The following SASH1 variants were observed in gnomAD, a reference collection of about 807,000 sequenced individuals.
SASH1 encodes SAM and SH3 domain containing 1, also known as SAM and SH3 domain-containing protein 1.
A neutral mutation model predicts 125.2 loss-of-function variants in SASH1; 44 were observed. The observed-to-expected ratio is 0.35, with a 90% confidence interval of 0.28 to 0.45. SASH1 has a LOEUF of 0.45. Ranked by LOEUF, SASH1 falls within the 20% of genes least tolerant of loss-of-function variation. SASH1 has a pLI of 1.00. For synonymous variants in SASH1, 639 were observed against 649.1 expected (o/e 0.98, Z 0.24); for missense variants, 1,426 against 1,614.5 (o/e 0.88, Z 2.00).
intron 2 of SASH1, among the ~76,000 whole-genome samples, chr6:148,430,422 C>T (rs1776014783): frequency 6.6e-6 from 1 of 152,218 alleles, no homozygotes; most frequent in Non-Finnish European, 1.5e-5. Context: ...GCCTTCGCCT[C>T]CTGGGTTCAA....
intron 7 of SASH1, chr6:148,478,945 T>G (rs1178079762): frequency 6.0e-6 from 1 of 167,168 alleles, no homozygotes; most frequent in African/African-American, 2.4e-5. Context: ...TTCTAGAAAG[T>G]GCATATGAGA....
intron 12 of SASH1, among the ~76,000 whole-genome samples, chr6:148,530,939 A>C (rs1335495831): frequency 6.6e-6 from 1 of 152,242 alleles, no homozygotes; most frequent in African/African-American, 2.4e-5. Flanking sequence ...AAAACTTTAG[A>C]GTAACATATG....
intron 2 of SASH1, among the ~76,000 whole-genome samples, chr6:148,412,942 G>C (rs890229082): frequency 6.6e-6 from 1 of 152,216 alleles, no homozygotes; most frequent in Non-Finnish European, 1.5e-5. Flanking sequence ...AAGTTTTAAT[G>C]ATGAGACTCT....
intron 4 of SASH1, among the ~76,000 whole-genome samples, chr6:148,441,140 ATCTCTAAACAGACGCT>A (rs1188282838): frequency 1.3e-5 from 2 of 152,264 alleles, no homozygotes; most frequent in African/African-American, 4.8e-5. Flanking sequence ...GAAAGTCCAC[ATCTCTAAACAGACGCT>A]TCCTTTGGCA....
Position 148,440,162 on chromosome 6 carries a change from ACTGGCAT to A in SASH1, c.286-18_286-12del. The A allele has an allele frequency of 6.2e-7, 1 of 1,613,110 alleles. No homozygotes were observed. The highest frequency in any genetic ancestry group is 8.5e-7 in the Non-Finnish European group (1 of 1,179,246). The stretch of plus-strand genomic sequence containing the variant: ...GTGACATGTTTGGAAGTCCCGTTAA[ACTGGCAT>A]CTGTTCTGTTTTAGGAGAAACCCGA... On this transcript the variant is annotated splice_polypyrimidine_tract_variant and intron_variant, in intron 2 of 19. Coordinates refer to ENST00000367467, the MANE Select transcript of SASH1 (RefSeq NM_015278.5).
chr6:148,446,823 CAG>C (rs1776817447), intron 4 of SASH1, among the ~76,000 whole-genome samples: 1 of 152,136 alleles, frequency 6.6e-6, no homozygotes, highest in Non-Finnish European at 1.5e-5. Flanking sequence ...AACTAAAGGA[CAG>C]AGGTAAGTTG....
At chr6:148,485,846 G>A (rs977582796) in intron 7 of SASH1, among the ~76,000 whole-genome samples, 4 of 152,164 alleles carry the variant, frequency 2.6e-5, no homozygotes, top group African/African-American at 7.2e-5. Flanking sequence ...GGGCAGGCAG[G>A]TTCAATTATT....
At chr6:148,342,019 G>A (rs1215794259), upstream of SASH1, among the ~76,000 whole-genome samples, 1 of 152,216 alleles carries the variant, frequency 6.6e-6, no homozygotes, top group Non-Finnish European at 1.5e-5. Context: ...GGCCCCAAGT[G>A]TGTGTAGGCT....
upstream of SASH1, among the ~76,000 whole-genome samples, chr6:148,268,861 TA>T (rs932555792): frequency 2.6e-5 from 4 of 152,220 alleles, no homozygotes; most frequent in African/African-American, 4.8e-5. Context: ...GCATTTCCTT[TA>T]TAATGGCTTC....
intron 1 of SASH1, among the ~76,000 whole-genome samples, chr6:148,382,946 G>A (rs956528382): frequency 1.1e-4 from 16 of 152,290 alleles, no homozygotes; most frequent in African/African-American, 3.1e-4. Context: ...GTCGTTACAC[G>A]TTAAAACTTT....
intron 1 of SASH1, among the ~76,000 whole-genome samples, chr6:148,351,651 T>C (rs1781734965): frequency 6.9e-5 from 1 of 14,466 alleles, no homozygotes; most frequent in East Asian, 1.7e-3. Flanking sequence ...TACTCACCGC[T>C]TTTTTTTTTT....
At chr6:148,464,962 A>G (rs1777768947) in intron 4 of SASH1, among the ~76,000 whole-genome samples, 1 of 152,156 alleles carries the variant, frequency 6.6e-6, no homozygotes, top group South Asian at 2.1e-4. Flanking sequence ...AGTTCAAGCA[A>G]TGCCTGGGCC....
chr6:148,290,028 C>T (rs767854813), intron 1 of SASH1, among the ~76,000 whole-genome samples: 1 of 151,368 alleles, frequency 6.6e-6, no homozygotes, highest in Admixed American at 6.6e-5. Flanking sequence ...CCACCATGTC[C>T]GGTTAATTTT....
the SASH1 span, among the ~76,000 whole-genome samples, chr6:148,241,291 A>G: frequency 6.6e-6 from 1 of 152,238 alleles, no homozygotes; most frequent in Non-Finnish European, 1.5e-5. Context: ...ACTAGTTGTC[A>G]TGCCCTGAGC....
chr6:148,455,016 T>C (rs1562425119), intron 4 of SASH1, among the ~76,000 whole-genome samples: 4 of 152,210 alleles, frequency 2.6e-5, no homozygotes, highest in Non-Finnish European at 5.9e-5. Context: ...CTGTATTCTT[T>C]TCTGAACACC....
chr6:148,332,855 C>T (rs1036321118), intron 1 of SASH1, among the ~76,000 whole-genome samples: 1 of 151,920 alleles, frequency 6.6e-6, no homozygotes, highest in Non-Finnish European at 1.5e-5. Flanking sequence ...GGCTTGGTGG[C>T]GTGCACCTGT....
intron 2 of SASH1, among the ~76,000 whole-genome samples, chr6:148,436,566 T>C (rs1252421615): frequency 6.6e-6 from 1 of 152,168 alleles, no homozygotes; most frequent in African/African-American, 2.4e-5. Context: ...ATACAGCTGC[T>C]GCCTGCCTTT....
chr6:148,527,891 G>T (rs1011563718), intron 12 of SASH1, among the ~76,000 whole-genome samples: 1 of 151,086 alleles, frequency 6.6e-6, no homozygotes, highest in African/African-American at 2.4e-5. Flanking sequence ...TGCACTAAGC[G>T]TTGTAAATTT....
intron 8 of SASH1, among the ~76,000 whole-genome samples, chr6:148,499,988 C>A (rs1441538072): frequency 6.6e-6 from 1 of 152,098 alleles, no homozygotes; most frequent in Non-Finnish European, 1.5e-5. Flanking sequence ...TAGAGAGAAG[C>A]AACTATTAGG....
Sources: allele counts gnomAD v4.1 joint callset (sites outside exome capture counted in the v4.1 genomes callset), GRCh38; gene constraint gnomAD v4.1.1; transcripts MANE v1.5; gene names NCBI Gene and HGNC (gene_info 2026-07-23, HGNC 2026-07-21).